DMXL2: variants seen among roughly 807,000 people sequenced by gnomAD.
The protein encoded by DMXL2 is dmX-like protein 2.
A neutral mutation model predicts 331.1 loss-of-function variants in DMXL2; 103 were observed. The ratio of observed to expected loss-of-function variants is 0.31; its 90% CI spans 0.27 to 0.37. The LOEUF (loss-of-function observed/expected upper bound fraction) is 0.37, where lower values mean the gene tolerates loss of function less well. Among genes scored for constraint, DMXL2 ranks in the 10% least tolerant of loss-of-function variants. DMXL2 has a pLI of 1.00. For synonymous variants in DMXL2, 1,281 were observed against 1,252.1 expected (o/e 1.02, Z -0.49); for missense variants, 3,171 against 3,642.9 (o/e 0.87, Z 3.33).
chr15:51,461,170 T>G (rs2040077261), intron 33 of DMXL2, among the ~76,000 whole-genome samples: 1 of 152,218 alleles, frequency 6.6e-6, no homozygotes, highest in Non-Finnish European at 1.5e-5. Context: ...TATAGCACTT[T>G]AAGAAACATT....
At position 51,480,974 on chromosome 15, in the gene DMXL2, G is replaced by A; in HGVS notation, c.6132C>T (p.Phe2044=). 1 of 1,614,050 alleles carries A rather than the reference G, an allele frequency of 6.2e-7. No homozygotes were observed. Among genetic ancestry groups the A allele is most frequent in the Non-Finnish European group, 8.5e-7 (1 of 1,179,998 alleles). ...EVDVIAEQLK[F]RACLKILMTE... ...TCATAAGGATCTTTAAACAAGCTCT[G>A]AATTTTAGTTGTTCAGCAATCACAT... The change falls in exon 24 of 44, where the codon TTC becomes TTT. Residue 2044 remains phenylalanine (F), a synonymous_variant. Coordinates refer to ENST00000560891, the MANE Select transcript of DMXL2 (RefSeq NM_001378457.1).
intron 2 of DMXL2, among the ~76,000 whole-genome samples, chr15:51,569,003 G>A (rs2141079279): frequency 6.6e-6 from 1 of 152,312 alleles, no homozygotes; most frequent in South Asian, 2.1e-4. Context: ...GAAGCACAAG[G>A]GGTCAGGGAA....
At chr15:51,538,937 C>T (rs527708469) in intron 9 of DMXL2, among the ~76,000 whole-genome samples, 6 of 152,192 alleles carry the variant, frequency 3.9e-5, no homozygotes, top group East Asian at 1.9e-4. Context: ...CGACCATGTG[C>T]GGTGACTCAT....
chr15:51,495,777 G>T (rs888911769), intron 18 of DMXL2, among the ~76,000 whole-genome samples: 3 of 151,774 alleles, frequency 2.0e-5, no homozygotes, highest in Non-Finnish European at 4.4e-5. Flanking sequence ...AATACAGACA[G>T]CACCTAGCCC....
chr15:51,545,716 C>T lies in DMXL2; in HGVS notation c.797G>A (p.Arg266Gln), dbSNP rs770888355. The change falls in exon 8 of 44, where the codon CGG (arginine) becomes CAG (glutamine). Residue 266 changes from arginine (R) to glutamine (Q), a missense_variant. Arg to Gln is a conservative substitution (Grantham distance 43). Around this residue, in one of 7 missense-constraint regions of DMXL2, gnomAD observed 1,674 missense variants for 1,780.2 expected, o/e 0.94. Transcript: ENST00000560891. The stretch of plus-strand genomic sequence containing the variant: ...TGGTAATAAAGTTTCTGCCCAGAGC[C>T]GGCACACACCATCATGACATGAAGT... ...LLTSCHDGVC[R>Q]LWAETLLPED... 2.5e-6 allele frequency: 4 copies of T among 1,613,570 alleles called. No homozygotes were observed. Among genetic ancestry groups the T allele is most frequent in the East Asian group, 4.5e-5 (2 of 44,874 alleles).
intron 13 of DMXL2, among the ~76,000 whole-genome samples, chr15:51,523,598 A>C (rs1001090902): frequency 6.6e-6 from 1 of 152,232 alleles, no homozygotes; most frequent in Non-Finnish European, 1.5e-5. Context: ...GCAAAATCTA[A>C]TGACTTCTGT....
In DMXL2 at chr15:51,507,208, A is replaced by G; in HGVS notation, c.2690T>C (p.Ile897Thr). ...PFSEKFFLVV[I>T]EKDSNNNSIL... ...AGAGTTATTATTGCTGTCCTTCTCA[A>G]TTACTACTAGAAAGAACTTTTCTGA... The change falls in exon 16 of 44, where the codon ATT (isoleucine) becomes ACT (threonine). Residue 897 changes from isoleucine (I) to threonine (T), a missense_variant. Transcript: ENST00000560891. The G allele has an allele frequency of 6.2e-7, 1 of 1,611,706 alleles. No homozygotes were observed. The highest frequency in any genetic ancestry group is 8.5e-7 in the Non-Finnish European group (1 of 1,178,612).
intron 34 of DMXL2, chr15:51,459,150 G>C (rs906193306): frequency 4.8e-6 from 1 of 210,200 alleles, no homozygotes; most frequent in Admixed American, 5.2e-5. Flanking sequence ...TACATTAAGA[G>C]GCACAGAGTG....
chr15:51,619,665 G>C (rs2054507471), intron 1 of DMXL2, among the ~76,000 whole-genome samples: 1 of 152,172 alleles, frequency 6.6e-6, no homozygotes, highest in Non-Finnish European at 1.5e-5. Context: ...GTTCTTCAAA[G>C]ATGTATCAAT....
chr15:51,451,322 G>A (rs1405144350), intron 42 of DMXL2, among the ~76,000 whole-genome samples: 4 of 152,174 alleles, frequency 2.6e-5, no homozygotes, highest in South Asian at 2.1e-4. Flanking sequence ...TTTAAAATAT[G>A]TTATTTTCTA....
chr15:51,470,366 A>T (rs1038165239), intron 29 of DMXL2, among the ~76,000 whole-genome samples: 1 of 152,114 alleles, frequency 6.6e-6, no homozygotes. Flanking sequence ...CCTGGATGTA[A>T]GCAATCCTTC....
chr15:51,614,402 T>C (rs1266745254), intron 1 of DMXL2, among the ~76,000 whole-genome samples: 2 of 152,216 alleles, frequency 1.3e-5, no homozygotes, highest in African/African-American at 4.8e-5. Flanking sequence ...CAGGCTAATC[T>C]CTAATTCATT....
chr15:51,591,994 TA>T (rs2052386706), intron 1 of DMXL2, among the ~76,000 whole-genome samples: 1 of 152,006 alleles, frequency 6.6e-6, no homozygotes, highest in African/African-American at 2.4e-5. Flanking sequence ...CTGGAAACTC[TA>T]AAAATCAGAG....
intron 12 of DMXL2, 94 bp from the exon 13 acceptor site, chr15:51,535,878 A>C: frequency 7.3e-7 from 1 of 1,378,646 alleles, no homozygotes. Context: ...CATTTTTTTT[A>C]GGCTTAACCA....
intron 29 of DMXL2, among the ~76,000 whole-genome samples, chr15:51,470,828 T>C (rs1011821860): frequency 2.0e-5 from 3 of 152,132 alleles, no homozygotes; most frequent in African/African-American, 7.2e-5. Flanking sequence ...TGGGGCCTCA[T>C]CATGGCCTGA....
At chr15:51,576,232 T>C in intron 1 of DMXL2, 51 bp from the exon 2 acceptor site, 2 of 1,280,108 alleles carry the variant, frequency 1.6e-6, no homozygotes, top group Non-Finnish European at 1.0e-6. Flanking sequence ...TATGTAACTT[T>C]TGAAATCTTA....
At chr15:51,576,250 C>G (rs1175654063) in intron 1 of DMXL2, 69 bp from the exon 2 acceptor site, 14 of 1,132,340 alleles carry the variant, frequency 1.2e-5, no homozygotes, top group Non-Finnish European at 1.6e-5. Flanking sequence ...TTATTACATA[C>G]TATTTTATCT....
chr15:51,566,734 T>TTAAAAATATACTTTAAAAATTATTTG (rs1282852932), intron 3 of DMXL2, among the ~76,000 whole-genome samples: 2 of 152,240 alleles, frequency 1.3e-5, no homozygotes, highest in Non-Finnish European at 1.5e-5. Context: ...GGCATTTCAC[T>TTAAAAATATACTTTAAAAATTATTTG]TAAAAATATA....
intron 1 of DMXL2, among the ~76,000 whole-genome samples, chr15:51,609,187 G>GA (rs2053791060): frequency 6.6e-6 from 1 of 151,986 alleles, no homozygotes; most frequent in Non-Finnish European, 1.5e-5. Context: ...AAAACTGAAT[G>GA]AAAAAATTCA....
Sources: allele counts gnomAD v4.1 joint callset (sites outside exome capture counted in the v4.1 genomes callset), GRCh38; gene constraint gnomAD v4.1.1; regional missense constraint gnomAD v4.1.1; transcripts MANE v1.5; gene names NCBI Gene and HGNC (gene_info 2026-07-23, HGNC 2026-07-21).